KANSL1L: variants seen among roughly 807,000 people sequenced by gnomAD.
The protein encoded by KANSL1L is KAT8 regulatory NSL complex subunit 1-like protein.
Under a neutral mutation model 108.6 loss-of-function variants are expected in KANSL1L, and 25 were observed. The observed-to-expected ratio is 0.23, with a 90% CI of 0.17 to 0.32. The LOEUF is 0.32. Ranked by LOEUF, KANSL1L falls within the 10% of genes least tolerant of loss-of-function variation. The pLI is 1.00. For synonymous variants in KANSL1L, 405 were observed against 395.1 expected (o/e 1.03, Z -0.30); for missense variants, 1,137 against 1,125.7 (o/e 1.01, Z -0.14).
chr2:210,039,666 A>G (rs1470390187), intron 8 of KANSL1L, among the ~76,000 whole-genome samples: 1 of 151,832 alleles, frequency 6.6e-6, no homozygotes, highest in African/African-American at 2.4e-5. Context: ...ACTCACCCAC[A>G]TTTACAGAAC....
chr2:210,161,858 T>C (rs2095363001), intron 1 of KANSL1L, among the ~76,000 whole-genome samples: 1 of 151,878 alleles, frequency 6.6e-6, no homozygotes, highest in Admixed American at 6.6e-5. Flanking sequence ...GGAATACTGA[T>C]TTGAAAAGCA....
At chr2:210,105,821 G>A (rs2094841954) in intron 3 of KANSL1L, among the ~76,000 whole-genome samples, 2 of 152,002 alleles carry the variant, frequency 1.3e-5, no homozygotes, top group Admixed American at 1.3e-4. Flanking sequence ...CCCAATTACT[G>A]TTTTCTTAGA....
intron 4 of KANSL1L, 44 bp from the exon 5 acceptor site, chr2:210,098,251 T>C (rs372233377): frequency 2.6e-4 from 419 of 1,593,300 alleles, no homozygotes; most frequent in Middle Eastern, 6.6e-4. Flanking sequence ...AAGCAAGAAA[T>C]GTGAGTTAAA....
chr2:210,095,177 TC>T (rs1426096219), intron 5 of KANSL1L, among the ~76,000 whole-genome samples: 1 of 152,138 alleles, frequency 6.6e-6, no homozygotes, highest in Non-Finnish European at 1.5e-5. Flanking sequence ...TCTACATTTC[TC>T]ACCTGTAGCT....
At chr2:210,051,081 G>A (rs1324513631) in intron 6 of KANSL1L, among the ~76,000 whole-genome samples, 1 of 152,114 alleles carries the variant, frequency 6.6e-6, no homozygotes, top group African/African-American at 2.4e-5. Flanking sequence ...ATGGCAGGAG[G>A]ATCACTTGAG....
At position 210,153,943 on chromosome 2, in the gene KANSL1L, C is replaced by G; in HGVS notation, c.640G>C (p.Ala214Pro). ...HSNVPVSSSA[A>P]EKEEEVHARL... is the part of the protein sequence containing the mutation. ...GCATGTACTTCCTCCTCTTTTTCAG[C>G]AGCTGAAGAACTAACAGGCACATTT... The change falls in exon 2 of 15, where the codon GCT (alanine) becomes CCT (proline). Residue 214 changes from alanine to proline, a missense_variant. By Grantham distance (27) the Ala-to-Pro change is conservative (BLOSUM62 -1). This residue lies in a region of KANSL1L where 556 missense variants were observed against 537.7 expected (regional missense o/e 1.03). Transcript: ENST00000281772. 6.2e-7 allele frequency: 1 copy of G among 1,613,426 alleles called. No homozygotes were observed. Among genetic ancestry groups the G allele is most frequent in the Non-Finnish European group, 8.5e-7 (1 of 1,179,978 alleles).
intron 2 of KANSL1L, among the ~76,000 whole-genome samples, chr2:210,149,990 G>T (rs777009238): frequency 2.0e-5 from 3 of 151,724 alleles, no homozygotes; most frequent in Non-Finnish European, 4.4e-5. Flanking sequence ...TTATTGATTT[G>T]TATAGATCAG....
intron 6 of KANSL1L, among the ~76,000 whole-genome samples, chr2:210,061,049 A>G (rs1250990925): frequency 1.3e-5 from 2 of 152,196 alleles, no homozygotes; most frequent in Non-Finnish European, 2.9e-5. Context: ...CCTTCAACCA[A>G]CCATTTCTAC....
chr2:210,060,906 T>C (rs528014298), intron 6 of KANSL1L, among the ~76,000 whole-genome samples: 14 of 152,344 alleles, frequency 9.2e-5, no homozygotes, highest in African/African-American at 3.4e-4. Flanking sequence ...TTATATCACA[T>C]TGATTTATTT....
chr2:210,154,411 G>A lies in KANSL1L; in HGVS notation c.172C>T (p.Leu58Phe). 1 of 1,612,496 alleles carries A rather than the reference G, an allele frequency of 6.2e-7. No homozygotes were observed. Among genetic ancestry groups the A allele is most frequent in the Non-Finnish European group, 8.5e-7 (1 of 1,179,352 alleles). The change falls in exon 2 of 15, where the codon CTT becomes TTT. Residue 58 changes from leucine to phenylalanine, a missense_variant. By Grantham distance (22) the Leu-to-Phe change is conservative. Coordinates refer to ENST00000281772, the MANE Select transcript of KANSL1L (RefSeq NM_152519.4). The stretch of plus-strand genomic sequence containing the variant: ...TTTAAATTCACAAAATTAGTATTAA[G>A]AGTAGGTTCAGGAGTTGGAAATCCA... ...MLGFPTPEPT[L>F]NTNFVNLKHF...
intron 5 of KANSL1L, among the ~76,000 whole-genome samples, chr2:210,092,754 T>C (rs1294939159): frequency 2.0e-5 from 3 of 152,194 alleles, no homozygotes; most frequent in African/African-American, 7.2e-5. Context: ...TTCATGAGGA[T>C]TTCCCTAGGC....
At position 210,029,916 on chromosome 2, in the gene KANSL1L, C is replaced by T; in HGVS notation, c.2158G>A (p.Glu720Lys). 1 of 1,532,468 alleles carries T rather than the reference C, an allele frequency of 6.5e-7. No individual in the cohort carries two copies. 94.9% of individuals were successfully genotyped at this position (1,532,468 alleles called of 1,614,324 possible). A position where few individuals can be genotyped will look rare whatever the true frequency, so the allele number is the denominator to read the frequency against. Reference protein sequence around the residue: ...KRHLSETALGERTKLEESDFQ... With the variant: ...KRHLSETALGKRTKLEESDFQ... Reference sequence around the variant, plus strand: ...TCAGATTCTTCAAGTTTAGTTCTTTCTCCTGCCATGGAAAGAACCATTGAA... The same window carrying T: ...TCAGATTCTTCAAGTTTAGTTCTTTTTCCTGCCATGGAAAGAACCATTGAA... Residue 720 changes from glutamate to lysine, a missense_variant and splice_region_variant, in exon 10 of 15, where the codon GAA becomes AAA. Physicochemically the swap from Glu to Lys is moderately conservative, Grantham distance 56. Around this residue, in one of 3 missense-constraint regions of KANSL1L, gnomAD observed 575 missense variants for 567.1 expected, o/e 1.01. Coordinates refer to ENST00000281772, the MANE Select transcript of KANSL1L (RefSeq NM_152519.4).
chr2:210,052,464 T>C (rs974621877), intron 6 of KANSL1L, among the ~76,000 whole-genome samples: 5 of 152,204 alleles, frequency 3.3e-5, no homozygotes, highest in African/African-American at 1.2e-4. Context: ...TTCCTTAATA[T>C]GTTTAATGAC....
At chr2:210,047,339 A>G (rs932942467) in intron 6 of KANSL1L, among the ~76,000 whole-genome samples, 3 of 152,202 alleles carry the variant, frequency 2.0e-5, no homozygotes, top group Non-Finnish European at 2.9e-5. Flanking sequence ...AGCAGTCAGA[A>G]GGAGGAACCA....
At chr2:210,142,944 A>C (rs900877290) in intron 2 of KANSL1L, among the ~76,000 whole-genome samples, 1 of 152,084 alleles carries the variant, frequency 6.6e-6, no homozygotes, top group East Asian at 1.9e-4. Flanking sequence ...TGTTCTATAT[A>C]TCTCTGTTAG....
chr2:210,123,006 C>A (rs1291355562), intron 3 of KANSL1L, among the ~76,000 whole-genome samples: 1 of 152,122 alleles, frequency 6.6e-6, no homozygotes, highest in Admixed American at 6.6e-5. Flanking sequence ...CATCTCACCC[C>A]AGTTAAAATA....
chr2:210,031,173 T>C (rs751306466), intron 9 of KANSL1L: 21 of 351,864 alleles, frequency 6.0e-5, no homozygotes, highest in Non-Finnish European at 9.8e-5. Context: ...CAGGGACTGA[T>C]TGGTAGAAGA....
At chr2:210,086,389 T>C (rs2125367244) in intron 5 of KANSL1L, among the ~76,000 whole-genome samples, 1 of 152,014 alleles carries the variant, frequency 6.6e-6, no homozygotes, top group South Asian at 2.1e-4. Flanking sequence ...ACTATCCCTA[T>C]GATAATAAAA....
intron 6 of KANSL1L, among the ~76,000 whole-genome samples, chr2:210,070,109 G>A (rs1225596534): frequency 1.2e-4 from 18 of 150,292 alleles, no homozygotes; most frequent in Admixed American, 6.6e-4. Context: ...GATTACAGGC[G>A]TGAGCCACTG....
Sources: allele counts gnomAD v4.1 joint callset (sites outside exome capture counted in the v4.1 genomes callset), GRCh38; gene constraint gnomAD v4.1.1; regional missense constraint gnomAD v4.1.1; transcripts MANE v1.5; gene names NCBI Gene and HGNC (gene_info 2026-07-23, HGNC 2026-07-21).